The following ELK3 variants were observed in gnomAD, a reference collection of about 807,000 sequenced individuals.
The protein encoded by ELK3 is ETS domain-containing protein Elk-3.
In ELK3, 10 loss-of-function variants were observed where a neutral mutation model predicts 28.9. The observed-to-expected ratio is 0.35, with a 90% CI of 0.21 to 0.59. The LOEUF is 0.59. Among genes scored for constraint, ELK3 ranks in the 20% least tolerant of loss-of-function variants. The pLI is 0.82. For missense variants in ELK3, 463 were observed against 517.3 expected (o/e 0.90, Z 1.02); for synonymous variants, 272 against 243.5 (o/e 1.12, Z -1.09).
Position 96,269,578 on chromosome 12 carries a change from T to C in ELK3, c.*2398T>C, listed in dbSNP as rs1565796709. On this transcript the variant is annotated 3_prime_UTR_variant, in exon 5 of 5. Coordinates refer to ENST00000228741, the MANE Select transcript of ELK3 (RefSeq NM_005230.4). ...AGCTCTGCCTCATTCTGTGTGTGTG[T>C]GCATGTGTGTGTTAGCAGAGGTATT... is the stretch of plus-strand genomic sequence containing the variant. 1 of 152,240 alleles carries C rather than the reference T, an allele frequency of 6.6e-6. No individual in the cohort carries two copies. The highest frequency in any genetic ancestry group is 1.5e-5 in the Non-Finnish European group (1 of 68,038). 9.4% of individuals were successfully genotyped at this position (152,240 alleles called of 1,614,324 possible). A position where few individuals can be genotyped will look rare whatever the true frequency, so the allele number is the denominator to read the frequency against.
chr12:96,220,788 A>C (rs1020664724), intron 1 of ELK3, among the ~76,000 whole-genome samples: 2 of 152,176 alleles, frequency 1.3e-5, no homozygotes, highest in African/African-American at 4.8e-5. Flanking sequence ...CATGTATTTT[A>C]ATAGTCAGCT....
At chr12:96,265,380 A>G (rs11610683) in intron 4 of ELK3, among the ~76,000 whole-genome samples, 144 of 152,314 alleles carry the variant, frequency 9.5e-4, no homozygotes, top group Non-Finnish European at 1.8e-3. Context: ...GAAGATGCAA[A>G]TAAACAAAAA....
intron 3 of ELK3, among the ~76,000 whole-genome samples, chr12:96,251,062 C>T (rs1025169896): frequency 6.6e-6 from 1 of 152,152 alleles, no homozygotes; most frequent in Admixed American, 6.5e-5. Context: ...GGCAACCTGG[C>T]GCTGAGCAAG....
intron 4 of ELK3, among the ~76,000 whole-genome samples, chr12:96,265,928 G>T (rs1271767580): frequency 6.6e-6 from 1 of 152,114 alleles, no homozygotes; most frequent in Non-Finnish European, 1.5e-5. Context: ...AGTAATTAAA[G>T]ATACCCCCTA....
In ELK3 at chr12:96,247,774, A is replaced by G; in HGVS notation, c.1002+40A>G. On this transcript the variant is annotated intron_variant, in intron 3 of 4. Transcript: ENST00000228741. The surrounding 1 kb of genome is among the most constrained non-coding windows in gnomAD (Gnocchi z 5.5). ...TGTCATCTAAGCCACAGCCAGCTTC[A>G]GTGGCTTAGCAAAAAAGGAAGAGCA... The G allele has an allele frequency of 2.7e-6, 4 of 1,471,782 alleles. No homozygotes were observed. The South Asian group carries it at 5.6e-5, about 20-fold the overall frequency. The allele number at this position is 1,471,782 out of a possible 1,614,324, so 91.2% of individuals were successfully genotyped here.
intron 2 of ELK3, among the ~76,000 whole-genome samples, chr12:96,230,996 C>T (rs768734777): frequency 5.9e-5 from 9 of 152,194 alleles, no homozygotes; most frequent in Non-Finnish European, 1.2e-4. Flanking sequence ...ATGAAAGGCC[C>T]CTGTTGATTT....
At chr12:96,196,252 C>T (rs1325099550) in intron 1 of ELK3, among the ~76,000 whole-genome samples, 1 of 152,156 alleles carries the variant, frequency 6.6e-6, no homozygotes, top group Non-Finnish European at 1.5e-5. Context: ...GTGCAGCCGC[C>T]CAACGAGCCT....
At chr12:96,229,058 T>C (rs546794779) in intron 2 of ELK3, among the ~76,000 whole-genome samples, 59 of 152,340 alleles carry the variant, frequency 3.9e-4, no homozygotes, top group African/African-American at 1.3e-3. Context: ...TGCACCACTT[T>C]TGTCGCTCTG....
intron 2 of ELK3, among the ~76,000 whole-genome samples, chr12:96,229,492 C>T (rs185717852): frequency 1.9e-3 from 274 of 147,912 alleles, no homozygotes; most frequent in African/African-American, 6.4e-3. Context: ...CATCACATGA[C>T]GTTCTCCCCA....
At position 96,244,237 on chromosome 12, in the gene ELK3, G is replaced by T. The variant is rs1183977599; in HGVS notation, c.208-2703G>T. Among the ~76,000 whole-genome samples, 3 of 152,138 alleles carry T rather than the reference G, an allele frequency of 2.0e-5. No homozygotes were observed. The East Asian group carries it at 5.8e-4, about 29-fold the overall frequency. The stretch of plus-strand genomic sequence containing the variant: ...CCCACATTTCATTTATCCTTTTGCT[G>T]GTTGGTGGACAGGTGGGTTGTTCCT... On this transcript the variant is annotated intron_variant, in intron 2 of 4. Transcript: ENST00000228741.
intron 4 of ELK3, among the ~76,000 whole-genome samples, chr12:96,266,606 T>C (rs1318197838): frequency 6.6e-6 from 1 of 152,212 alleles, no homozygotes; most frequent in Non-Finnish European, 1.5e-5. Flanking sequence ...GAATAAATGC[T>C]GCAAGAATCA....
chr12:96,263,356 C>A (rs1431339853), intron 4 of ELK3, among the ~76,000 whole-genome samples: 2 of 152,130 alleles, frequency 1.3e-5, no homozygotes, highest in East Asian at 3.8e-4. Flanking sequence ...CTCGGTTTTT[C>A]TTGGACAGTT....
At chr12:96,260,560 G>A (rs1407482602) in intron 4 of ELK3, among the ~76,000 whole-genome samples, 1 of 149,948 alleles carries the variant, frequency 6.7e-6, no homozygotes, top group Non-Finnish European at 1.5e-5. Flanking sequence ...CATACTAGGC[G>A]AGCACCTTCA....
At chr12:96,249,784 C>T (rs1951890020) in intron 3 of ELK3, among the ~76,000 whole-genome samples, 1 of 19,116 alleles carries the variant, frequency 5.2e-5, no homozygotes, top group Non-Finnish European at 1.2e-4. Context: ...TGGTGGCTCC[C>T]ATCGGTGGGG....
At chr12:96,236,688 TTG>T (rs1237007075) in intron 2 of ELK3, among the ~76,000 whole-genome samples, 1 of 152,232 alleles carries the variant, frequency 6.6e-6, no homozygotes, top group Admixed American at 6.5e-5. Flanking sequence ...GAAGGGCTAG[TTG>T]CACCCCAGTG....
chr12:96,225,623 G>A (rs564117662), intron 2 of ELK3, among the ~76,000 whole-genome samples: 1 of 152,104 alleles, frequency 6.6e-6, no homozygotes, highest in Non-Finnish European at 1.5e-5. Context: ...ACATGAGAAC[G>A]TGGAGGCTTG....
At chr12:96,196,920 C>G (rs1489547954) in intron 1 of ELK3, among the ~76,000 whole-genome samples, 1 of 151,940 alleles carries the variant, frequency 6.6e-6, no homozygotes, top group Admixed American at 6.6e-5. Flanking sequence ...AAAAACAGCC[C>G]AAACAGCCCG....
chr12:96,208,472 G>A lies in ELK3; in HGVS notation c.-3+13767G>A, dbSNP rs113217157. Among the ~76,000 whole-genome samples the A allele has an allele frequency of 4.1e-3, 623 of 152,332 alleles. 3 individuals are homozygous for A. The highest frequency in any genetic ancestry group is 0.014 in the African/African-American group (586 of 41,572). ...TTTCCTGAGAAGAGCATGCAATGGC[G>A]TCTCTCCTTCTCCAGGCCACTGCCA... is the stretch of plus-strand genomic sequence containing the variant. On this transcript the variant is annotated intron_variant, in intron 1 of 4. Transcript: ENST00000228741.
At chr12:96,210,565 GCACACACA>G (rs56257302) in intron 1 of ELK3, among the ~76,000 whole-genome samples, 1 of 146,326 alleles carries the variant, frequency 6.8e-6, no homozygotes, top group Non-Finnish European at 1.5e-5. Context: ...GCGGGCGCAC[GCACACACA>G]CACACACACA....
Sources: allele counts gnomAD v4.1 joint callset (sites outside exome capture counted in the v4.1 genomes callset), GRCh38; gene constraint gnomAD v4.1.1; non-coding constraint Gnocchi (gnomAD v3.1); transcripts MANE v1.5; gene names NCBI Gene and HGNC (gene_info 2026-07-23, HGNC 2026-07-21).